The following DMD variants were observed in gnomAD, a reference collection of about 807,000 sequenced individuals.
DMD encodes the protein dystrophin.
A neutral mutation model predicts 330.1 loss-of-function variants in DMD; 63 were observed. The observed-to-expected ratio is 0.19, with a 90% confidence interval of 0.16 to 0.24. The LOEUF (loss-of-function observed/expected upper bound fraction) is 0.24, where lower values mean the gene tolerates loss of function less well. Ranked by LOEUF, DMD falls within the 10% of genes least tolerant of loss-of-function variation. The pLI, the probability that DMD is intolerant of heterozygous loss-of-function variation, is 1.00. For missense variants in DMD, 3,344 were observed against 2,684.1 expected (o/e 1.25, Z -5.43); for synonymous variants, 1,223 against 959.8 (o/e 1.27, Z -5.07).
chrX:31,293,647 T>C (rs967836361), intron 62 of DMD, among the ~76,000 whole-genome samples: 2 of 111,992 alleles, frequency 1.8e-5, no homozygotes, highest in Non-Finnish European at 3.8e-5. Context: ...CTTGCTTCTG[T>C]ATTATATGGA....
At chrX:33,002,216 C>T (rs1279471429) in intron 2 of DMD, among the ~76,000 whole-genome samples, 1 of 110,745 alleles carries the variant, frequency 9.0e-6, no homozygotes, top group Non-Finnish European at 1.9e-5. Context: ...ATAATAAGAT[C>T]TTATCAGTGT....
chrX:32,461,011 T>C (rs972612498), intron 25 of DMD, among the ~76,000 whole-genome samples: 2 of 111,842 alleles, frequency 1.8e-5, no homozygotes, highest in East Asian at 5.6e-4. Context: ...CTTATATACA[T>C]ACCCTTTAAA....
chrX:31,383,786 G>A (rs973088320), intron 60 of DMD, among the ~76,000 whole-genome samples: 2 of 111,903 alleles, frequency 1.8e-5, no homozygotes, highest in African/African-American at 6.5e-5. Flanking sequence ...GCTTCAGAGA[G>A]GAGTCTGATT....
chrX:31,348,323 T>C, intron 61 of DMD: 1 of 423,692 alleles, frequency 2.4e-6, no homozygotes, highest in African/African-American at 2.5e-5. Context: ...GAGAATATAG[T>C]GCAGGAAACA....
chrX:33,076,784 C>A (rs1395492661), intron 1 of DMD, among the ~76,000 whole-genome samples: 1 of 111,895 alleles, frequency 8.9e-6, no homozygotes, highest in Non-Finnish European at 1.9e-5. Flanking sequence ...GCTGCCTGGA[C>A]AGAGCCGATT....
chrX:32,140,869 G>T (rs5972500), intron 44 of DMD, among the ~76,000 whole-genome samples: 6 of 109,798 alleles, frequency 5.5e-5, no homozygotes, highest in African/African-American at 2.0e-4. Flanking sequence ...TATGGGAGTA[G>T]AATTCAAGAT....
chrX:32,123,822 T>G (rs930462388), intron 44 of DMD, among the ~76,000 whole-genome samples: 1 of 112,341 alleles, frequency 8.9e-6, no homozygotes, highest in Non-Finnish European at 1.9e-5. Flanking sequence ...GGAAATAGAC[T>G]GTACACTTTA....
intron 44 of DMD, among the ~76,000 whole-genome samples, chrX:31,976,876 C>G (rs749468670): frequency 9.0e-6 from 1 of 111,636 alleles, no homozygotes; most frequent in Non-Finnish European, 1.9e-5. Flanking sequence ...AGTAAGTGTT[C>G]TCTTTAGTGT....
At chrX:32,740,149 G>A (rs929462386) in intron 7 of DMD, among the ~76,000 whole-genome samples, 5 of 109,261 alleles carry the variant, frequency 4.6e-5, no homozygotes, top group Non-Finnish European at 9.5e-5. Flanking sequence ...GTTCTCTTGC[G>A]TTCTTAAAGT....
At chrX:32,404,796 C>G (rs187925588) in intron 30 of DMD, among the ~76,000 whole-genome samples, 1 of 111,645 alleles carries the variant, frequency 9.0e-6, no homozygotes, top group African/African-American at 3.2e-5. Flanking sequence ...GAGCCATATG[C>G]AAGTTAATTG....
rs192815510 is a variant in DMD, at chrX:31,889,186, C to G, written c.6913-13813G>C. On this transcript the variant is annotated intron_variant, in intron 47 of 78. Coordinates refer to ENST00000357033, the MANE Select transcript of DMD (RefSeq NM_004006.3). ...AAATAGGTTGGCAGTCCTTGGAGAA[C>G]TCTGCCCTTATTACCACACTAAAAC... Among the ~76,000 whole-genome samples the G allele has an allele frequency of 7.7e-3, 865 of 112,229 alleles. 12 individuals are homozygous for G. Among genetic ancestry groups the G allele is most frequent in the African/African-American group, 0.026 (815 of 30,958 alleles).
intron 1 of DMD, among the ~76,000 whole-genome samples, chrX:33,099,575 G>A (rs1282476075): frequency 9.0e-6 from 1 of 111,265 alleles, no homozygotes; most frequent in Non-Finnish European, 1.9e-5. Flanking sequence ...GGATTTGTTC[G>A]TCACTCCATA....
intron 57 of DMD, among the ~76,000 whole-genome samples, chrX:31,490,515 C>T (rs889340357): frequency 1.8e-5 from 2 of 110,830 alleles, no homozygotes; most frequent in Admixed American, 9.5e-5. Context: ...GAGATCGCAC[C>T]GCTGCACTCC....
chrX:33,067,173 C>T (rs1286976364), intron 1 of DMD, among the ~76,000 whole-genome samples: 1 of 111,944 alleles, frequency 8.9e-6, no homozygotes, highest in Non-Finnish European at 1.9e-5. Flanking sequence ...CTACTCGATC[C>T]TACAAGTGCG....
At chrX:32,950,055 T>C (rs1321296171) in intron 2 of DMD, among the ~76,000 whole-genome samples, 2 of 102,468 alleles carry the variant, frequency 2.0e-5, no homozygotes, top group Non-Finnish European at 4.1e-5. Context: ...AAGCTAGAAC[T>C]ATAGCCATGA....
rs1291958287 is a variant in DMD at position 33,169,000 on chromosome X, T to TG, written c.31+42281_31+42282insC. The stretch of plus-strand genomic sequence containing the variant: ...TGTCAACTCTCTAGAAGATAGGTTT[T>TG]TTTTTTTGCCTCTATTGATTCTCTT... On this transcript the variant is annotated intron_variant, in intron 1 of 78. Transcript: ENST00000357033. Among the ~76,000 whole-genome samples the TG allele has an allele frequency of 3.6e-5, 4 of 109,741 alleles. No homozygotes were observed. The East Asian group carries it at 1.1e-3, about 31-fold the overall frequency.
chrX:33,331,848 G>C (rs1433467395), intron 1 of DMD, among the ~76,000 whole-genome samples: 1 of 111,322 alleles, frequency 9.0e-6, no homozygotes, highest in Admixed American at 9.6e-5. Flanking sequence ...AAGAAAATAA[G>C]TTTTTTGGAA....
At chrX:31,124,524 T>C (rs2033344133) in intron 78 of DMD, among the ~76,000 whole-genome samples, 1 of 111,705 alleles carries the variant, frequency 9.0e-6, no homozygotes, top group Non-Finnish European at 1.9e-5. Context: ...AAAATTACAA[T>C]CTCATACTAT....
At chrX:32,324,529 C>A (rs758050650) in intron 41 of DMD, among the ~76,000 whole-genome samples, 1 of 111,401 alleles carries the variant, frequency 9.0e-6, no homozygotes, top group African/African-American at 3.3e-5. Flanking sequence ...TAGTTCAAGA[C>A]CGAAAAGCAC....
Sources: allele counts gnomAD v4.1 joint callset (sites outside exome capture counted in the v4.1 genomes callset), GRCh38; gene constraint gnomAD v4.1.1; transcripts MANE v1.5; gene names NCBI Gene and HGNC (gene_info 2026-07-23, HGNC 2026-07-21).